Variants in HEXD observed in about 807,000 individuals in gnomAD.
The protein encoded by HEXD is N-acetyl-beta-galactosaminidase.
HEXD carries 47 observed loss-of-function variants against 54.2 expected under a neutral mutation model. The observed-to-expected ratio is 0.87, with a 90% CI of 0.69 to 1.11. The LOEUF (loss-of-function observed/expected upper bound fraction) is 1.11. HEXD is among the 50% of genes least tolerant of loss of function. The pLI, the probability that HEXD is intolerant of heterozygous loss-of-function variation, is 0.00. For synonymous variants in HEXD, 293 were observed against 287.6 expected (o/e 1.02, Z -0.19); for missense variants, 576 against 649.2 (o/e 0.89, Z 1.23).
chr17:82,422,479 A>C (rs2053264315), intron 2 of HEXD, among the ~76,000 whole-genome samples: 1 of 147,270 alleles, frequency 6.8e-6, no homozygotes, highest in South Asian at 2.1e-4. Context: ...CCTGGGCGAT[A>C]GAGCAAGACT....
At chr17:82,420,514 C>T (rs1385277194) in intron 2 of HEXD, 1 of 152,256 alleles carries the variant, frequency 6.6e-6, no homozygotes, top group African/African-American at 2.4e-5. Context: ...GGATTTTGGA[C>T]TTAGGGCCTC....
chr17:82,442,315 C>G lies in HEXD; in HGVS notation c.1392C>G (p.Asp464Glu). Reference protein sequence around the residue: ...SLQRLQALLQDLSEVSAPPLP... With the variant: ...SLQRLQALLQELSEVSAPPLP... ...AGCGGCTGCAAGCTCTGCTGCAGGA[C>G]CTCAGCGAGGTGTCTGCCCCCCCGC... Residue 464 changes from aspartate to glutamate, a missense_variant, in exon 13 of 13, where the codon GAC becomes GAG. Transcript: ENST00000327949. The surrounding 1 kb of genome is among the most constrained non-coding windows in gnomAD (Gnocchi z 6.8). 1 of 1,610,112 alleles carries G rather than the reference C, an allele frequency of 6.2e-7. No individual in the cohort carries two copies. The highest frequency in any genetic ancestry group is 8.5e-7 in the Non-Finnish European group (1 of 1,179,864).
rs2053993461 is a variant in HEXD, at chr17:82,441,961, C to T, written c.1253+72C>T. On this transcript the variant is annotated intron_variant, in intron 12 of 12. Transcript: ENST00000327949. ...GAACTGCTGCTGTTGCTGACATGTCCCTCAACTAGAGAGCAGAGGGTGAGC... is the reference window on the plus strand; with the variant it reads ...GAACTGCTGCTGTTGCTGACATGTCTCTCAACTAGAGAGCAGAGGGTGAGC... 5 of 1,481,664 alleles carry T rather than the reference C, an allele frequency of 3.4e-6. No individual in the cohort carries two copies. The African/African-American group carries it at 5.5e-5, about 16-fold the overall frequency. 91.8% of individuals were successfully genotyped at this position (1,481,664 alleles called of 1,614,324 possible). A position where few individuals can be genotyped will look rare whatever the true frequency, so the allele number is the denominator to read the frequency against.
At chr17:82,429,955 CCCT>C (rs1298234859) in intron 4 of HEXD, among the ~76,000 whole-genome samples, 1 of 152,166 alleles carries the variant, frequency 6.6e-6, no homozygotes, top group Non-Finnish European at 1.5e-5. Context: ...CCATTGAGGG[CCCT>C]CCTCCAGCCT....
At chr17:82,428,686 G>C in intron 4 of HEXD, 41 bp downstream of exon 4, 1 of 1,560,502 alleles carries the variant, frequency 6.4e-7, no homozygotes, top group Non-Finnish European at 8.8e-7. Flanking sequence ...CCAGGTGTGG[G>C]GTCCAGGGGC....
rs1567897878 is a variant in HEXD at position 82,441,034 on chromosome 17, CCTT to C, written c.1023_1025del (p.Leu342del). 5 of 1,613,510 alleles carry C rather than the reference CCTT, an allele frequency of 3.1e-6. No homozygotes were observed. Among genetic ancestry groups the C allele is most frequent in the Non-Finnish European group, 4.2e-6 (5 of 1,180,006 alleles). ...AAGATGTTAAAGCGAAAGTGGAGAACCTTCTCGGGATTTCCAGCCTGGAAAAAA... is the reference window on the plus strand; with the variant it reads ...AAGATGTTAAAGCGAAAGTGGAGAACCTCGGGATTTCCAGCCTGGAAAAAA... On this transcript the variant is annotated inframe_deletion, in exon 10 of 13. Transcript: ENST00000327949.
rs1291169107 is a variant in HEXD, at chr17:82,437,370, C to T, written c.899+7C>T. 3 of 1,580,478 alleles carry T rather than the reference C, an allele frequency of 1.9e-6. No individual in the cohort carries two copies. Among genetic ancestry groups the T allele is most frequent in the African/African-American group, 1.3e-5 (1 of 74,460 alleles). The stretch of plus-strand genomic sequence containing the variant: ...TCCTGACCGGCTGGCAGAGGTAAGT[C>T]CTGGCCAGTCTGTCCTCAGAGGGTC... On this transcript the variant is annotated splice_region_variant and intron_variant, in intron 8 of 12. Coordinates refer to ENST00000327949, the MANE Select transcript of HEXD (RefSeq NM_001330542.2).
intron 5 of HEXD, 33 bp from the exon 6 acceptor site, chr17:82,435,656 C>T: frequency 6.3e-7 from 1 of 1,586,848 alleles, no homozygotes; most frequent in Non-Finnish European, 8.6e-7. Context: ...TGCACGGCTG[C>T]CAAGGCAACC....
In HEXD at chr17:82,441,850, A is replaced by T; in HGVS notation, c.1214A>T (p.His405Leu). The T allele has an allele frequency of 6.2e-7, 1 of 1,613,148 alleles. No homozygotes were observed. Among genetic ancestry groups the T allele is most frequent in the East Asian group, 2.2e-5 (1 of 44,872 alleles). ...TACCACCGCCAGCGGAAGCTCATCC[A>T]CCCGGTCATGGTTCAGCACATCCAG... ...SPYHRQRKLI[H>L]PVMVQHIQPA... Residue 405 changes from histidine to leucine, a missense_variant, in exon 12 of 13, where the codon CAC becomes CTC. By Grantham distance (99) the His-to-Leu change is moderately conservative. Transcript: ENST00000327949.
intron 2 of HEXD, chr17:82,420,311 G>A (rs1003678584): frequency 7.2e-5 from 11 of 153,046 alleles, no homozygotes; most frequent in Non-Finnish European, 1.5e-4. Flanking sequence ...GGGAAATTTA[G>A]AGCCTGAGAC....
chr17:82,418,356 C>T lies in HEXD; in HGVS notation c.-436C>T. Reference sequence around the variant, plus strand: ...CCGCCCCATCAGCCCCAGTCCCGCCCACTCCATGGCCCTGTCCGCCGCCGC... The same window carrying T: ...CCGCCCCATCAGCCCCAGTCCCGCCTACTCCATGGCCCTGTCCGCCGCCGC... On this transcript the variant is annotated 5_prime_UTR_variant, in exon 1 of 13. Transcript: ENST00000327949. 8.6e-7 allele frequency: 1 copy of T among 1,162,000 alleles called. No homozygotes were observed. Among genetic ancestry groups the T allele is most frequent in the Non-Finnish European group, 1.2e-6 (1 of 843,434 alleles). The allele number at this position is 1,162,000 out of a possible 1,614,324, so 72.0% of individuals were successfully genotyped here. A position where few individuals can be genotyped will look rare whatever the true frequency, so the allele number is the denominator to read the frequency against.
At chr17:82,423,605 G>C (rs1317287691) in intron 2 of HEXD, 2 of 152,232 alleles carry the variant, frequency 1.3e-5, no homozygotes, top group African/African-American at 4.8e-5. Flanking sequence ...CTGAGGTCAG[G>C]AGTTCGAGAC....
intron 2 of HEXD, 83 bp downstream of exon 2, chr17:82,419,966 C>T (rs915151915): frequency 1.8e-5 from 14 of 795,802 alleles, no homozygotes; most frequent in East Asian, 5.6e-5. Context: ...TCTGTGGAAA[C>T]GGGTACCTAG....
At chr17:82,419,719 C>T (rs2053174798) in intron 1 of HEXD, 30 bp from the exon 2 acceptor site, 1 of 829,660 alleles carries the variant, frequency 1.2e-6, no homozygotes, top group Non-Finnish European at 2.0e-6. Flanking sequence ...GCTTCTGCCC[C>T]TGTTGATAAC....
intron 2 of HEXD, among the ~76,000 whole-genome samples, chr17:82,421,379 C>G (rs937377114): frequency 6.6e-6 from 1 of 152,152 alleles, no homozygotes; most frequent in African/African-American, 2.4e-5. Context: ...AGGGAAAGGT[C>G]CTGGGGAAAG....
intron 7 of HEXD, 53 bp from the exon 8 acceptor site, chr17:82,437,115 G>A (rs2053792847): frequency 6.8e-7 from 1 of 1,480,374 alleles, no homozygotes; most frequent in Non-Finnish European, 9.2e-7. Context: ...CGTGTCCAGG[G>A]CCGTGTTGGC....
rs2053710328 is a variant in HEXD, at chr17:82,434,719, T to A, written c.447+897T>A. On this transcript the variant is annotated intron_variant, in intron 5 of 12. Coordinates refer to ENST00000327949, the MANE Select transcript of HEXD (RefSeq NM_001330542.2). This position sits in a 1 kb window ranked among gnomAD's most constrained non-coding sequence, Gnocchi z 4.5. Reference sequence around the variant, plus strand: ...CGGGCGTGATGGCGGGCGCCTGTAATCCCAGCTACTCAGGAGGCTGAGGCA... The same window carrying A: ...CGGGCGTGATGGCGGGCGCCTGTAAACCCAGCTACTCAGGAGGCTGAGGCA... Among the ~76,000 whole-genome samples the A allele has an allele frequency of 1.3e-5, 2 of 151,796 alleles. No homozygotes were observed. Among genetic ancestry groups the A allele is most frequent in the South Asian group, 4.2e-4 (2 of 4,812 alleles).
At chr17:82,433,091 AATATATATATAT>A (rs1555617646) in intron 4 of HEXD, among the ~76,000 whole-genome samples, 6 of 13,236 alleles carry the variant, frequency 4.5e-4, no homozygotes, top group Admixed American at 1.7e-3. Context: ...AAAAAAAAAA[AATATATATATAT>A]ATATATATAT....
chr17:82,436,238 G>A (rs954969593), intron 6 of HEXD, among the ~76,000 whole-genome samples: 7 of 152,342 alleles, frequency 4.6e-5, no homozygotes, highest in Non-Finnish European at 8.8e-5. Flanking sequence ...GCTGCTGAGC[G>A]CCTTTCTGGG....
Sources: allele counts gnomAD v4.1 joint callset (sites outside exome capture counted in the v4.1 genomes callset), GRCh38; gene constraint gnomAD v4.1.1; non-coding constraint Gnocchi (gnomAD v3.1); transcripts MANE v1.5; gene names NCBI Gene and HGNC (gene_info 2026-07-23, HGNC 2026-07-21).